The following CELF2 variants were observed in gnomAD, a reference collection of about 807,000 sequenced individuals.
The protein encoded by CELF2 is CUGBP Elav-like family member 2.
A neutral mutation model predicts 62.6 loss-of-function variants in CELF2; 8 were observed. The observed-to-expected ratio is 0.13, with a 90% CI of 0.07 to 0.23. The LOEUF (loss-of-function observed/expected upper bound fraction) is 0.23, where lower values mean the gene tolerates loss of function less well. CELF2 is among the 10% of genes least tolerant of loss of function. The pLI is 1.00. For synonymous variants in CELF2, 258 were observed against 250.0 expected, an observed-to-expected ratio of 1.03 and a Z score of -0.30; for missense variants, 333 against 671.0, an observed-to-expected ratio of 0.50 and a Z score of 5.56.
At chr10:10,791,280 A>G in the CELF2 span, among the ~76,000 whole-genome samples, 2 of 151,840 alleles carry the variant, frequency 1.3e-5, no homozygotes, top group African/African-American at 4.8e-5. Flanking sequence ...AGTGTGGTAA[A>G]CTAGCAGGTG....
intron 9 of CELF2, among the ~76,000 whole-genome samples, chr10:11,293,543 G>A (rs1349089140): frequency 6.6e-6 from 1 of 152,182 alleles, no homozygotes; most frequent in African/African-American, 2.4e-5. Flanking sequence ...GAGGCCAGGG[G>A]CAGAGAGGGC....
chr10:11,123,238 G>GT (rs371340058), intron 1 of CELF2, among the ~76,000 whole-genome samples: 1 of 151,870 alleles, frequency 6.6e-6, no homozygotes, highest in Non-Finnish European at 1.5e-5. Flanking sequence ...GTCAGGGTTT[G>GT]TTTTTTGTTT....
At position 10,997,451 on chromosome 10, in the gene CELF2, A is replaced by G. The variant is rs947498652; in HGVS notation, c.89+77452A>G. On this transcript the variant is annotated intron_variant, in intron 2 of 13. Transcript: ENST00000636488. The surrounding 1 kb of genome is among the most constrained non-coding windows in gnomAD (Gnocchi z 5.3). ...TCTCACCTTCCAGGAAGGAAGGCTG[A>G]TGCACTCCACTGTGGTCTTTATTAA... Among the ~76,000 whole-genome samples, 5 of 152,186 alleles carry G rather than the reference A, an allele frequency of 3.3e-5. No individual in the cohort carries two copies. The highest frequency in any genetic ancestry group is 1.2e-4 in the African/African-American group (5 of 41,454).
chr10:11,228,856 C>G (rs1167366233), intron 3 of CELF2, among the ~76,000 whole-genome samples: 1 of 151,814 alleles, frequency 6.6e-6, no homozygotes, highest in Non-Finnish European at 1.5e-5. Flanking sequence ...CTGACAAAAA[C>G]TAAGTATCAT....
intron 1 of CELF2, among the ~76,000 whole-genome samples, chr10:11,031,532 C>A (rs1465994684): frequency 6.6e-6 from 1 of 152,170 alleles, no homozygotes; most frequent in Admixed American, 6.5e-5. Flanking sequence ...GTTGGCCTAA[C>A]CCACAAACCA....
the CELF2 span, among the ~76,000 whole-genome samples, chr10:10,724,038 A>G: frequency 6.6e-6 from 1 of 152,218 alleles, no homozygotes; most frequent in Non-Finnish European, 1.5e-5. Context: ...AATTCTTCAC[A>G]TTTATGTATC....
At chr10:11,233,850 G>A (rs1473426080) in intron 3 of CELF2, among the ~76,000 whole-genome samples, 1 of 152,184 alleles carries the variant, frequency 6.6e-6, no homozygotes, top group Non-Finnish European at 1.5e-5. Context: ...GATTTGGGAG[G>A]TTATCCCTGT....
At chr10:11,249,363 A>T (rs1294579186) in intron 4 of CELF2, among the ~76,000 whole-genome samples, 162 bp downstream of exon 4, 1 of 151,956 alleles carries the variant, frequency 6.6e-6, no homozygotes, top group African/African-American at 2.4e-5. Context: ...GGAGTAATGC[A>T]CTCGCCACTC....
chr10:10,802,893 A>T (rs2054815019), intron 1 of CELF2, among the ~76,000 whole-genome samples: 1 of 152,210 alleles, frequency 6.6e-6, no homozygotes, highest in Non-Finnish European at 1.5e-5. Context: ...TCAACAGGTT[A>T]TAAACTCTAT....
chr10:10,733,440 A>G, the CELF2 span, among the ~76,000 whole-genome samples: 1 of 152,196 alleles, frequency 6.6e-6, no homozygotes, highest in Non-Finnish European at 1.5e-5. Flanking sequence ...GGTAGTGAAA[A>G]AAAAAAGTGC....
At chr10:10,739,714 C>T in the CELF2 span, among the ~76,000 whole-genome samples, 1 of 152,250 alleles carries the variant, frequency 6.6e-6, no homozygotes, top group South Asian at 2.1e-4. Flanking sequence ...CTTAGTTTCC[C>T]CCAATTTTTG....
intron 1 of CELF2, among the ~76,000 whole-genome samples, chr10:10,886,958 G>T (rs2061790990): frequency 1.3e-5 from 2 of 152,214 alleles, no homozygotes; most frequent in African/African-American, 4.8e-5. Flanking sequence ...GGTTTGGGGT[G>T]TGGGGTGGGA....
rs540896401 is a variant in CELF2 at position 11,258,018 on chromosome 10, A to G, written c.538+146A>G. The G allele has an allele frequency of 4.5e-6, 4 of 889,502 alleles. No homozygotes were observed. The South Asian group carries it at 8.0e-5, about 18-fold the overall frequency. 55.1% of individuals were successfully genotyped at this position (889,502 alleles called of 1,614,324 possible). On this transcript the variant is annotated intron_variant, in intron 5 of 12. Coordinates refer to ENST00000633077, the MANE Select transcript of CELF2 (RefSeq NM_001326342.2). ...TAAAGTTATCCAACCTGAACTTTTC[A>G]CCATAGCTGAAATCATCACCTTTTA...
the CELF2 span, among the ~76,000 whole-genome samples, chr10:10,718,357 C>T: frequency 6.6e-6 from 1 of 152,154 alleles, no homozygotes; most frequent in Non-Finnish European, 1.5e-5. Flanking sequence ...GGCGCGGTGG[C>T]TCATGCCTGT....
chr10:11,180,553 C>T (rs2072994818), intron 2 of CELF2, among the ~76,000 whole-genome samples: 1 of 152,196 alleles, frequency 6.6e-6, no homozygotes, highest in Non-Finnish European at 1.5e-5. Context: ...GGGGGCCCTT[C>T]CAGGCTGACG....
Position 11,159,515 on chromosome 10 carries a change from C to T in CELF2, c.75-5971C>T, listed in dbSNP as rs1443998151. Among the ~76,000 whole-genome samples the T allele has an allele frequency of 2.0e-5, 3 of 152,222 alleles. No homozygotes were observed. The highest frequency in any genetic ancestry group is 4.8e-5 in the African/African-American group (2 of 41,460). On this transcript the variant is annotated intron_variant, in intron 1 of 12. Transcript: ENST00000633077. This position sits in a 1 kb window ranked among gnomAD's most constrained non-coding sequence, Gnocchi z 5.0. ...CGCTAAGTTGAGCATGGACAGGGCGCCTCCTGAGGGTAGGGCCTGAGTTTC... is the reference window on the plus strand; with the variant it reads ...CGCTAAGTTGAGCATGGACAGGGCGTCTCCTGAGGGTAGGGCCTGAGTTTC...
rs139027515 is a variant in CELF2, at chr10:11,311,325, A to C, written c.977-2814A>C. Among the ~76,000 whole-genome samples, 1 of 152,240 alleles carries C rather than the reference A, an allele frequency of 6.6e-6. No individual in the cohort carries two copies. The highest frequency in any genetic ancestry group is 6.5e-5 in the Admixed American group (1 of 15,290). ...TGAAGTTAAAGTATCCCCAGCTTGT[A>C]GTTTCCTCCAGCACCTTGTAGAATC... On this transcript the variant is annotated intron_variant, in intron 9 of 12. Coordinates refer to ENST00000633077, the MANE Select transcript of CELF2 (RefSeq NM_001326342.2). This position sits in a 1 kb window ranked among gnomAD's most constrained non-coding sequence, Gnocchi z 4.7.
chr10:10,549,863 G>A, the CELF2 span, among the ~76,000 whole-genome samples: 1 of 152,314 alleles, frequency 6.6e-6, no homozygotes, highest in East Asian at 1.9e-4. Flanking sequence ...GGTTCCCCAG[G>A]AAACAGTCTG....
At chr10:10,607,562 G>A in the CELF2 span, among the ~76,000 whole-genome samples, 1 of 152,192 alleles carries the variant, frequency 6.6e-6, no homozygotes, top group Non-Finnish European at 1.5e-5. Context: ...GTAAGAAAGG[G>A]ATGGGAGGGG....
Sources: allele counts gnomAD v4.1 joint callset (sites outside exome capture counted in the v4.1 genomes callset), GRCh38; gene constraint gnomAD v4.1.1; non-coding constraint Gnocchi (gnomAD v3.1); transcripts MANE v1.5; gene names NCBI Gene and HGNC (gene_info 2026-07-23, HGNC 2026-07-21).